FBRSL1: variants seen among roughly 807,000 people sequenced by gnomAD.
FBRSL1 encodes fibrosin-1-like protein.
In FBRSL1, 51 loss-of-function variants were observed where a neutral mutation model predicts 89.6. The observed-to-expected ratio is 0.57, with a 90% CI of 0.45 to 0.72. The LOEUF (loss-of-function observed/expected upper bound fraction) is 0.72, where lower values mean the gene tolerates loss of function less well. Among genes scored for constraint, FBRSL1 ranks in the 30% least tolerant of loss-of-function variants. The pLI is 0.00. For missense variants in FBRSL1, 1,618 were observed against 1,451.8 expected, an observed-to-expected ratio of 1.11 and a Z score of -1.86; for synonymous variants, 779 against 681.1, an observed-to-expected ratio of 1.14 and a Z score of -2.24.
At chr12:132,576,755 G>T in intron 14 of FBRSL1, 44 bp from the exon 15 acceptor site, 1 of 1,533,288 alleles carries the variant, frequency 6.5e-7, no homozygotes, top group Non-Finnish European at 8.8e-7. Context: ...TGTGTTCAGG[G>T]CCAGTCCCCG....
chr12:132,542,022 T>C (rs2037308479), intron 4 of FBRSL1, among the ~76,000 whole-genome samples: 1 of 152,230 alleles, frequency 6.6e-6, no homozygotes, highest in African/African-American at 2.4e-5. Flanking sequence ...CAGGTGGTCC[T>C]TTTCCCCACT....
In FBRSL1 at chr12:132,562,978, C is replaced by T. The variant is rs142293184; in HGVS notation, c.646-4503C>T. On this transcript the variant is annotated intron_variant, in intron 5 of 18. Transcript: ENST00000680143. ...ACAGGAGCTTGCTCTGAAGGACCTA[C>T]GCCACACCTGGCCCCCACAGCCTGC... Among the ~76,000 whole-genome samples, 406 of 151,806 alleles carry T rather than the reference C, an allele frequency of 2.7e-3. 6 individuals carry two copies. The highest frequency in any genetic ancestry group is 8.7e-3 in the African/African-American group (360 of 41,298).
chr12:132,573,162 C>G (rs1313302356), intron 11 of FBRSL1, among the ~76,000 whole-genome samples: 1 of 152,220 alleles, frequency 6.6e-6, no homozygotes, highest in Non-Finnish European at 1.5e-5. Flanking sequence ...TAACCCCACC[C>G]TCTGCGGAGG....
chr12:132,547,534 G>A (rs981827319), intron 4 of FBRSL1, among the ~76,000 whole-genome samples: 1 of 152,148 alleles, frequency 6.6e-6, no homozygotes, highest in African/African-American at 2.4e-5. Flanking sequence ...CAGGAGCTGG[G>A]GTGCCTGGAT....
chr12:132,523,851 G>A (rs963447014), intron 2 of FBRSL1, among the ~76,000 whole-genome samples: 1 of 152,200 alleles, frequency 6.6e-6, no homozygotes, highest in African/African-American at 2.4e-5. Context: ...CTAGGAGTGG[G>A]ACACGTGGCT....
Position 132,490,836 on chromosome 12 carries a change from G to C in FBRSL1, c.266G>C (p.Ser89Thr), listed in dbSNP as rs1430685011. The C allele has an allele frequency of 1.4e-5, 20 of 1,416,086 alleles. No homozygotes were observed. Among genetic ancestry groups the C allele is most frequent in the East Asian group, 6.3e-5 (2 of 31,880 alleles). 87.7% of individuals were successfully genotyped at this position (1,416,086 alleles called of 1,614,324 possible). Residue 89 changes from serine to threonine, a missense_variant, in exon 1 of 19, where the codon AGC (serine) becomes ACC (threonine). Transcript: ENST00000680143. ...EEVIDGFAIASFSTLEALEKD... is the reference protein window; with the variant it reads ...EEVIDGFAIATFSTLEALEKD... ...GTCATCGACGGCTTCGCCATCGCCAGCTTCAGCACCCTGGAGGCCCTGGAG... is the reference window on the plus strand; with the variant it reads ...GTCATCGACGGCTTCGCCATCGCCACCTTCAGCACCCTGGAGGCCCTGGAG...
chr12:132,571,166 G>A lies in FBRSL1; in HGVS notation c.1312G>A (p.Ala438Thr). The A allele has an allele frequency of 7.1e-7, 1 of 1,417,984 alleles. No individual in the cohort carries two copies. The highest frequency in any genetic ancestry group is 9.2e-7 in the Non-Finnish European group (1 of 1,086,246). The allele number at this position is 1,417,984 out of a possible 1,614,324, so 87.8% of individuals were successfully genotyped here. Residue 438 changes from alanine to threonine, a missense_variant, in exon 9 of 19, where the codon GCA becomes ACA. Transcript: ENST00000680143. ...GTWSQAPLLP[A>T]PLGPHVASGH... ...TTGGTCACAGGCTCCTCTCTTACCT[G>A]CACCCCTGGGCCCGCACGTGGCGAG...
chr12:132,574,750 G>A (rs1490233350), intron 14 of FBRSL1, among the ~76,000 whole-genome samples, 186 bp downstream of exon 14: 5 of 152,102 alleles, frequency 3.3e-5, no homozygotes, highest in Non-Finnish European at 7.4e-5. Context: ...CGAGGCCACA[G>A]GGCAGTGCTG....
chr12:132,510,094 C>G (rs576049571), intron 2 of FBRSL1: 4 of 1,225,368 alleles, frequency 3.3e-6, no homozygotes, highest in South Asian at 4.1e-5. Context: ...CAGAAGCAGC[C>G]GCTCATGGGC....
Position 132,570,065 on chromosome 12 carries a change from C to G in FBRSL1, c.831C>G (p.Pro277=), listed in dbSNP as rs2039901197. ...CCCATGCCGCGCCCTGCCCGGGGCC[C>G]CCGCCCGGCTCCCGCGCCAATCCCT... is the stretch of plus-strand genomic sequence containing the variant. ...PAPHAAPCPG[P]PPGSRANPLV... is the part of the protein sequence containing the mutation. Residue 277 remains proline, a synonymous_variant, in exon 7 of 19, where the codon CCC becomes CCG. Coordinates refer to ENST00000680143, the MANE Select transcript of FBRSL1 (RefSeq NM_001367871.1). 1.3e-6 allele frequency: 2 copies of G among 1,494,418 alleles called. No individual in the cohort carries two copies. Among genetic ancestry groups the G allele is most frequent in the African/African-American group, 2.9e-5 (2 of 68,654 alleles). 92.6% of individuals were successfully genotyped at this position (1,494,418 alleles called of 1,614,324 possible).
rs905504002 is a variant in FBRSL1 at position 132,578,056 on chromosome 12, G to A, written c.1834+1125G>A. 5.9e-5 allele frequency among the ~76,000 whole-genome samples: 9 copies of A among 152,216 alleles called. No individual in the cohort carries two copies. In the South Asian group the frequency reaches 6.2e-4, roughly 11 times the overall value. The stretch of plus-strand genomic sequence containing the variant: ...TCCAGGTATAACTTTTGACTCCCCC[G>A]AAACTTAGCCTACTGTTGACAGGAA... On this transcript the variant is annotated intron_variant, in intron 15 of 18. Coordinates refer to ENST00000680143, the MANE Select transcript of FBRSL1 (RefSeq NM_001367871.1).
At chr12:132,518,822 C>T (rs2035090091) in intron 2 of FBRSL1, among the ~76,000 whole-genome samples, 2 of 151,744 alleles carry the variant, frequency 1.3e-5, no homozygotes, top group South Asian at 2.1e-4. Context: ...ATCCACCCAT[C>T]TACCCGTCCA....
At chr12:132,574,591 C>A in intron 14 of FBRSL1, 27 bp downstream of exon 14, 1 of 1,543,364 alleles carries the variant, frequency 6.5e-7, no homozygotes, top group African/African-American at 1.4e-5. Context: ...TGGGGCAGGG[C>A]GCTTGTGAAC....
chr12:132,576,963 C>T (rs2040420722), intron 15 of FBRSL1, 32 bp downstream of exon 15: 1 of 1,537,984 alleles, frequency 6.5e-7, no homozygotes, highest in Non-Finnish European at 8.8e-7. Context: ...GTGGGGGGCA[C>T]AGAAACCTCC....
chr12:132,556,453 G>A (rs2038645685), intron 5 of FBRSL1, among the ~76,000 whole-genome samples: 1 of 150,724 alleles, frequency 6.6e-6, no homozygotes, highest in African/African-American at 2.4e-5. Context: ...GTGCGTCTGA[G>A]TGTTCGTCCT....
chr12:132,527,286 G>T (rs1331066114), intron 3 of FBRSL1, among the ~76,000 whole-genome samples: 4 of 152,210 alleles, frequency 2.6e-5, no homozygotes, highest in African/African-American at 9.6e-5. Context: ...CCTCCCCCAG[G>T]TCTTCCTGCC....
rs560120076 is a variant in FBRSL1, at chr12:132,546,802, C to T, written c.616-1201C>T. On this transcript the variant is annotated intron_variant, in intron 4 of 18. Transcript: ENST00000680143. The surrounding 1 kb of genome is among the most constrained non-coding windows in gnomAD (Gnocchi z 4.0). ...GCCACCTGGAGTGTGACTCGTCATGCGCTGGGAGCAGCACGTTCTCGCTGC... is the reference window on the plus strand; with the variant it reads ...GCCACCTGGAGTGTGACTCGTCATGTGCTGGGAGCAGCACGTTCTCGCTGC... 2.0e-4 allele frequency among the ~76,000 whole-genome samples: 31 copies of T among 152,348 alleles called. No homozygotes were observed. Among genetic ancestry groups the T allele is most frequent in the Middle Eastern group, 3.4e-3 (1 of 294 alleles).
At chr12:132,496,221 C>A (rs191761627) in intron 1 of FBRSL1, among the ~76,000 whole-genome samples, 87 of 152,372 alleles carry the variant, frequency 5.7e-4, no homozygotes, top group African/African-American at 2.0e-3. Context: ...ACACTAGACC[C>A]TCCTTCCCCA....
rs949685470 is a variant in FBRSL1, at chr12:132,499,088, G to A, written c.291+8227G>A. 6.6e-6 allele frequency among the ~76,000 whole-genome samples: 1 copy of A among 152,240 alleles called. No individual in the cohort carries two copies. Among genetic ancestry groups the A allele is most frequent in the Non-Finnish European group, 1.5e-5 (1 of 68,028 alleles). On this transcript the variant is annotated intron_variant, in intron 1 of 18. Coordinates refer to ENST00000680143, the MANE Select transcript of FBRSL1 (RefSeq NM_001367871.1). The surrounding 1 kb of genome is among the most constrained non-coding windows in gnomAD (Gnocchi z 4.3). ...TGCAAGGCCTCCAGGAGCTTGGGTGGCCAGACTGGTCCCTGGGACTGGTGG... is the reference window on the plus strand; with the variant it reads ...TGCAAGGCCTCCAGGAGCTTGGGTGACCAGACTGGTCCCTGGGACTGGTGG...
Sources: gnomAD v4.1 joint callset for allele counts (sites outside exome capture counted in the v4.1 genomes callset) on GRCh38, gnomAD v4.1.1 for gene constraint, Gnocchi (gnomAD v3.1) non-coding constraint, MANE v1.5 for transcripts, NCBI Gene and HGNC (gene_info 2026-07-23, HGNC 2026-07-21) for gene names.